Variants in FAM167A observed in about 807,000 individuals in gnomAD.
FAM167A encodes family with sequence similarity 167 member A.
In FAM167A, 23 loss-of-function variants were observed where a neutral mutation model predicts 14.9. The ratio of observed to expected loss-of-function variants is 1.55; its 90% confidence interval spans 1.11 to 2.19. The LOEUF is 2.19. FAM167A is among the 30% of genes most tolerant of loss of function. The pLI, the probability that FAM167A is intolerant of heterozygous loss-of-function variation, is 0.00. For synonymous variants in FAM167A, 174 were observed against 117.7 expected (o/e 1.48, Z -3.10); for missense variants, 401 against 281.5 (o/e 1.42, Z -3.04).
intron 2 of FAM167A, among the ~76,000 whole-genome samples, chr8:11,425,365 C>G (rs772584077): frequency 6.6e-6 from 1 of 152,144 alleles, no homozygotes; most frequent in African/African-American, 2.4e-5. Context: ...CATCCACAGC[C>G]GAGCTGGGAT....
intron 2 of FAM167A, among the ~76,000 whole-genome samples, chr8:11,439,583 A>C (rs1806300243): frequency 6.6e-6 from 1 of 152,164 alleles, no homozygotes; most frequent in Admixed American, 6.5e-5. Flanking sequence ...TCTCTCTAAC[A>C]GCCATAAACA....
chr8:11,437,418 C>G (rs1806101257), intron 2 of FAM167A, among the ~76,000 whole-genome samples: 1 of 152,224 alleles, frequency 6.6e-6, no homozygotes, highest in South Asian at 2.1e-4. Context: ...CTCCTCCCTG[C>G]TCAACGCGCT....
intron 1 of FAM167A, among the ~76,000 whole-genome samples, chr8:11,446,884 C>G (rs1396511760): frequency 6.6e-6 from 1 of 152,240 alleles, no homozygotes; most frequent in Non-Finnish European, 1.5e-5. Flanking sequence ...GGCAGCTGCA[C>G]CTACAGGGCT....
chr8:11,428,674 C>A (rs1374921868), intron 2 of FAM167A, among the ~76,000 whole-genome samples: 1 of 152,204 alleles, frequency 6.6e-6, no homozygotes, highest in South Asian at 2.1e-4. Flanking sequence ...GTGTTGGGAT[C>A]CCTGCACACA....
intron 2 of FAM167A, among the ~76,000 whole-genome samples, chr8:11,441,243 C>G (rs954728239): frequency 4.6e-5 from 7 of 152,240 alleles, no homozygotes; most frequent in Admixed American, 1.3e-4. Context: ...GGGCTCAGAG[C>G]TCCCGCTTGG....
chr8:11,440,060 G>C (rs767238445), intron 2 of FAM167A, among the ~76,000 whole-genome samples: 1 of 152,164 alleles, frequency 6.6e-6, no homozygotes, highest in Non-Finnish European at 1.5e-5. Context: ...CAGGCTACTC[G>C]GCTGCCTGGA....
chr8:11,462,098 G>A (rs919367156), intron 1 of FAM167A, among the ~76,000 whole-genome samples: 60 of 152,240 alleles, frequency 3.9e-4, no homozygotes, highest in African/African-American at 1.2e-3. Context: ...CGCAGGCAGG[G>A]CAGAAAATGG....
chr8:11,469,115 A>C (rs1807873340), upstream of FAM167A, among the ~76,000 whole-genome samples: 1 of 152,264 alleles, frequency 6.6e-6, no homozygotes, highest in Admixed American at 6.5e-5. Flanking sequence ...TTTAACGCTA[A>C]GTAAATAAGA....
At chr8:11,424,692 G>A in intron 2 of FAM167A, 56 bp from the exon 3 acceptor site, 4 of 1,593,572 alleles carry the variant, frequency 2.5e-6, no homozygotes, top group East Asian at 4.5e-5. Flanking sequence ...GTCCCTGACA[G>A]GCACAGACTG....
At chr8:11,468,220 C>A (rs1277530069), upstream of FAM167A, among the ~76,000 whole-genome samples, 1 of 152,222 alleles carries the variant, frequency 6.6e-6, no homozygotes, top group African/African-American at 2.4e-5. Flanking sequence ...CCTTCAACGC[C>A]CCCAGTCCTC....
chr8:11,472,897 C>A (rs1036921928), intron 1 of FAM167A, among the ~76,000 whole-genome samples: 4 of 152,120 alleles, frequency 2.6e-5, no homozygotes, highest in Non-Finnish European at 4.4e-5. Context: ...GGCAGGAGGC[C>A]GGACCAGGAA....
At chr8:11,447,699 C>G (rs1050547807) in intron 1 of FAM167A, among the ~76,000 whole-genome samples, 14 of 152,232 alleles carry the variant, frequency 9.2e-5, no homozygotes, top group African/African-American at 3.4e-4. Flanking sequence ...TCATTTGACT[C>G]TGTCTCAGCC....
intron 1 of FAM167A, among the ~76,000 whole-genome samples, chr8:11,448,680 C>T (rs1323239683): frequency 6.6e-6 from 1 of 152,230 alleles, no homozygotes; most frequent in Non-Finnish European, 1.5e-5. Context: ...GAGAGAACAG[C>T]TCCACTTACT....
Position 11,424,115 on chromosome 8 carries a change from T to G in FAM167A, c.*258A>C. On this transcript the variant is annotated 3_prime_UTR_variant, in exon 3 of 3. Coordinates refer to ENST00000284486, the MANE Select transcript of FAM167A (RefSeq NM_053279.3). Reference sequence around the variant, plus strand: ...ATTATGGTGGGAACCCAGGTCTCCTTTAACATCTTGGTTGGAGCGGCCCTT... The same window carrying G: ...ATTATGGTGGGAACCCAGGTCTCCTGTAACATCTTGGTTGGAGCGGCCCTT... 2.1e-6 allele frequency: 1 copy of G among 476,448 alleles called. No homozygotes were observed. Among genetic ancestry groups the G allele is most frequent in the East Asian group, 3.6e-5 (1 of 27,974 alleles). 29.5% of individuals were successfully genotyped at this position (476,448 alleles called of 1,614,324 possible).
chr8:11,424,221 C>A lies in FAM167A; in HGVS notation c.*152G>T. On this transcript the variant is annotated 3_prime_UTR_variant, in exon 3 of 3. Coordinates refer to ENST00000284486, the MANE Select transcript of FAM167A (RefSeq NM_053279.3). Reference sequence around the variant, plus strand: ...CACCCAGGGCCCCTGGGTGGGAGAGCACCACTGAATAGGTCCTGGGGCCCT... The same window carrying A: ...CACCCAGGGCCCCTGGGTGGGAGAGAACCACTGAATAGGTCCTGGGGCCCT... 3.3e-6 allele frequency: 3 copies of A among 920,220 alleles called. No homozygotes were observed. The highest frequency in any genetic ancestry group is 4.8e-6 in the Non-Finnish European group (3 of 624,122). The allele number at this position is 920,220 out of a possible 1,614,324, so 57.0% of individuals were successfully genotyped here.
chr8:11,442,349 C>A (rs945901759), intron 2 of FAM167A, among the ~76,000 whole-genome samples: 41 of 152,098 alleles, frequency 2.7e-4, no homozygotes, highest in African/African-American at 9.9e-4. Context: ...GATTGGTCTT[C>A]GGTGTGGCGT....
intron 2 of FAM167A, 41 bp from the exon 3 acceptor site, chr8:11,424,677 C>A: frequency 1.2e-6 from 2 of 1,604,608 alleles, no homozygotes; most frequent in Non-Finnish European, 1.7e-6. Flanking sequence ...CAGAGAGTGG[C>A]TCGAGTCCCT....
chr8:11,435,828 G>C (rs903786599), intron 2 of FAM167A, among the ~76,000 whole-genome samples: 6 of 152,206 alleles, frequency 3.9e-5, no homozygotes, highest in African/African-American at 1.4e-4. Flanking sequence ...ACACACTACT[G>C]ATCATTTATG....
upstream of FAM167A, among the ~76,000 whole-genome samples, chr8:11,468,415 C>T (rs1322488634): frequency 6.6e-6 from 1 of 152,264 alleles, no homozygotes; most frequent in Admixed American, 6.5e-5. Flanking sequence ...CAGGTGCTGG[C>T]AGCCCCCTGC....
Sources: gnomAD v4.1 joint callset for allele counts (sites outside exome capture counted in the v4.1 genomes callset) on GRCh38, gnomAD v4.1.1 for gene constraint, MANE v1.5 for transcripts, NCBI Gene and HGNC (gene_info 2026-07-23, HGNC 2026-07-21) for gene names.